The following SLC38A2 variants were observed in gnomAD, a reference collection of about 807,000 sequenced individuals.
SLC38A2 encodes the protein solute carrier family 38 member 2, also known as sodium-coupled neutral amino acid symporter 2.
In SLC38A2, 11 loss-of-function variants were observed where a neutral mutation model predicts 61.5. That is an observed-to-expected ratio of 0.18 (90% CI 0.11 to 0.30). The LOEUF is 0.30. Ranked by LOEUF, SLC38A2 falls within the 10% of genes least tolerant of loss-of-function variation. SLC38A2 has a pLI of 1.00. For missense variants in SLC38A2, 522 were observed against 600.4 expected (o/e 0.87, Z 1.36); for synonymous variants, 217 against 212.5 (o/e 1.02, Z -0.18).
chr12:46,372,748 C>T lies in SLC38A2; in HGVS notation c.-326G>A, dbSNP rs1305534692. On this transcript the variant is annotated 5_prime_UTR_variant, in exon 1 of 16. Transcript: ENST00000256689. ...CTGCTAGCAGTACTGGAAAGGCGTT[C>T]TAAGGCGGCGGCGTCGCGCGGCTGT... 1.8e-5 allele frequency: 7 copies of T among 398,260 alleles called. No individual in the cohort carries two copies. Among genetic ancestry groups the T allele is most frequent in the Non-Finnish European group, 2.7e-5 (6 of 225,870 alleles). The allele number at this position is 398,260 out of a possible 1,614,324, so 24.7% of individuals were successfully genotyped here. A position where few individuals can be genotyped will look rare whatever the true frequency, so the allele number is the denominator to read the frequency against.
intron 4 of SLC38A2, 139 bp downstream of exon 4, chr12:46,370,372 TG>T: frequency 1.6e-6 from 1 of 644,876 alleles, no homozygotes; most frequent in Non-Finnish European, 2.7e-6. Flanking sequence ...AGAGATTTTT[TG>T]GGGTTTCTCA....
rs1216453126 is a variant in SLC38A2, at chr12:46,362,539, G to C, written c.1279C>G (p.Leu427Val). The C allele has an allele frequency of 1.3e-6, 2 of 1,599,228 alleles. No homozygotes were observed. Among genetic ancestry groups the C allele is most frequent in the Non-Finnish European group, 1.7e-6 (2 of 1,176,448 alleles). The stretch of plus-strand genomic sequence containing the variant: ...CTAATAGTTGGGACAAAGATGACAA[G>C]TAAATTGGTAAATGCCAAGATAGAC... ...TVSILAFTNL[L>V]VIFVPTIRDI... is the part of the protein sequence containing the mutation. Residue 427 changes from leucine (L) to valine (V), a missense_variant, in exon 14 of 16, where the codon CTT (leucine) becomes GTT (valine). Coordinates refer to ENST00000256689, the MANE Select transcript of SLC38A2 (RefSeq NM_018976.5).
intron 15 of SLC38A2, chr12:46,362,020 T>G (rs1268499120): frequency 3.5e-6 from 1 of 286,738 alleles, no homozygotes; most frequent in South Asian, 8.0e-5. Context: ...GAAAGCTGAG[T>G]ATCTCATCTA....
At chr12:46,369,179 A>C (rs1360843247) in intron 4 of SLC38A2, among the ~76,000 whole-genome samples, 1 of 152,212 alleles carries the variant, frequency 6.6e-6, no homozygotes, top group Non-Finnish European at 1.5e-5. Flanking sequence ...TGCACTCTAA[A>C]ACTGCCTCCA....
Position 46,367,378 on chromosome 12 carries a change from G to A in SLC38A2, c.315-38C>T, listed in dbSNP as rs923526260. 4.7e-6 allele frequency: 5 copies of A among 1,064,704 alleles called. No homozygotes were observed. In the African/African-American group the frequency reaches 4.8e-5, roughly 10 times the overall value. The allele number at this position is 1,064,704 out of a possible 1,614,324, so 66.0% of individuals were successfully genotyped here. A position where few individuals can be genotyped will look rare whatever the true frequency, so the allele number is the denominator to read the frequency against. ...GGAAAAGGCATAGGGTTATAAATAA[G>A]CATGGCTATATTTAAAGACAACTCT... On this transcript the variant is annotated intron_variant, in intron 4 of 15. Coordinates refer to ENST00000256689, the MANE Select transcript of SLC38A2 (RefSeq NM_018976.5).
At chr12:46,369,551 T>C (rs1391041343) in intron 4 of SLC38A2, among the ~76,000 whole-genome samples, 2 of 152,154 alleles carry the variant, frequency 1.3e-5, no homozygotes, top group Admixed American at 6.5e-5. Context: ...ATACATATGG[T>C]TTCCTTATCT....
intron 7 of SLC38A2, among the ~76,000 whole-genome samples, chr12:46,365,800 G>T (rs1419444051): frequency 6.6e-6 from 1 of 151,854 alleles, no homozygotes; most frequent in African/African-American, 2.4e-5. Context: ...TAACTCCAAA[G>T]ACAGCCAAAA....
At chr12:46,363,503 A>G (rs1169063426) in intron 12 of SLC38A2, among the ~76,000 whole-genome samples, 1 of 152,106 alleles carries the variant, frequency 6.6e-6, no homozygotes, top group Non-Finnish European at 1.5e-5. Context: ...ATATGCCATC[A>G]AATGATTAAT....
chr12:46,361,601 C>T (rs1003896760), intron 15 of SLC38A2, among the ~76,000 whole-genome samples: 1 of 152,112 alleles, frequency 6.6e-6, no homozygotes, highest in African/African-American at 2.4e-5. Flanking sequence ...CCAGGAAATA[C>T]TAATTCCTAA....
chr12:46,360,987 A>T lies in SLC38A2; in HGVS notation c.*124T>A. The T allele has an allele frequency of 1.4e-6, 1 of 705,230 alleles. No homozygotes were observed. Among genetic ancestry groups the T allele is most frequent in the Non-Finnish European group, 2.4e-6 (1 of 420,856 alleles). The allele number at this position is 705,230 out of a possible 1,614,324, so 43.7% of individuals were successfully genotyped here. On this transcript the variant is annotated 3_prime_UTR_variant, in exon 16 of 16. Transcript: ENST00000256689. ...AGTTCACTTATTCTGCACTCAGAAG[A>T]ACCAGCGAGGAATCTGCACTTCAAA... is the stretch of plus-strand genomic sequence containing the variant.
chr12:46,361,688 G>A (rs1211558097), intron 15 of SLC38A2, among the ~76,000 whole-genome samples: 1 of 152,132 alleles, frequency 6.6e-6, no homozygotes, highest in Non-Finnish European at 1.5e-5. Context: ...AACAATTCTA[G>A]TACTTTAATC....
In SLC38A2 at chr12:46,362,139, T is replaced by A. The variant is rs1943088023; in HGVS notation, c.1422+145A>T. On this transcript the variant is annotated intron_variant, in intron 15 of 15. Transcript: ENST00000256689. ...TTCCCCTTCCCTCTGCAATCTTCCA[T>A]CTGTGAAGTATACCATTACAGAAAT... 1.3e-5 allele frequency: 8 copies of A among 621,810 alleles called. No homozygotes were observed. The South Asian group carries it at 1.8e-4, about 14-fold the overall frequency. 38.5% of individuals were successfully genotyped at this position (621,810 alleles called of 1,614,324 possible).
intron 4 of SLC38A2, among the ~76,000 whole-genome samples, chr12:46,369,918 CACA>C (rs1348457563): frequency 1.3e-5 from 2 of 151,982 alleles, no homozygotes; most frequent in Non-Finnish European, 2.9e-5. Flanking sequence ...CATTTTTTGC[CACA>C]ACATGTGGCA....
chr12:46,363,211 C>T (rs1175801927), intron 12 of SLC38A2, 66 bp from the exon 13 acceptor site: 1 of 1,559,620 alleles, frequency 6.4e-7, no homozygotes, highest in Non-Finnish European at 8.8e-7. Context: ...GAAAATTTAA[C>T]AGCAAAATGT....
intron 7 of SLC38A2, among the ~76,000 whole-genome samples, chr12:46,366,166 A>C (rs578171154): frequency 3.9e-5 from 6 of 152,304 alleles, no homozygotes; most frequent in African/African-American, 1.4e-4. Flanking sequence ...TAGCATGCCC[A>C]AACATTTTCT....
Position 46,372,681 on chromosome 12 carries a change from C to T in SLC38A2, c.-259G>A, listed in dbSNP as rs888757118. The T allele has an allele frequency of 2.5e-6, 1 of 398,424 alleles. No homozygotes were observed. The allele number at this position is 398,424 out of a possible 1,614,324, so 24.7% of individuals were successfully genotyped here. A position where few individuals can be genotyped will look rare whatever the true frequency, so the allele number is the denominator to read the frequency against. On this transcript the variant is annotated 5_prime_UTR_variant, in exon 1 of 16. Transcript: ENST00000256689. The stretch of plus-strand genomic sequence containing the variant: ...CCCAATCCTCCGGCGTCCGCCGTGT[C>T]AAGGGAAAGGCGCGAGCGTGCGGTA...
intron 4 of SLC38A2, among the ~76,000 whole-genome samples, chr12:46,369,011 A>T (rs1026094071): frequency 1.3e-5 from 2 of 152,216 alleles, no homozygotes; most frequent in African/African-American, 4.8e-5. Flanking sequence ...CACTTTAGCA[A>T]TCTTATTTAG....
At position 46,370,540 on chromosome 12, in the gene SLC38A2, T is replaced by C. The variant is rs1592207611; in HGVS notation, c.286A>G (p.Met96Val). ...AAAAGAGCAATTCCAGTATTAGCCA[T>C]GGCATAAGAAAGCCCAAGGATTCCA... ...GSGILGLSYA[M>V]ANTGIALFII... The change falls in exon 4 of 16, where the codon ATG (methionine) becomes GTG (valine). Residue 96 changes from methionine to valine, a missense_variant. By Grantham distance (21) the Met-to-Val change is conservative. Transcript: ENST00000256689. The C allele has an allele frequency of 1.2e-6, 2 of 1,614,064 alleles. No individual in the cohort carries two copies. The highest frequency in any genetic ancestry group is 1.6e-4 in the Middle Eastern group (1 of 6,062).
At chr12:46,371,861 C>T (rs1943206487) in intron 1 of SLC38A2, among the ~76,000 whole-genome samples, 1 of 152,200 alleles carries the variant, frequency 6.6e-6, no homozygotes, top group South Asian at 2.1e-4. Flanking sequence ...AATGCCTCTG[C>T]CGCAGACAGC....
Sources: allele counts gnomAD v4.1 joint callset (sites outside exome capture counted in the v4.1 genomes callset), GRCh38; gene constraint gnomAD v4.1.1; transcripts MANE v1.5; gene names NCBI Gene and HGNC (gene_info 2026-07-23, HGNC 2026-07-21).